The following CACNG4 variants were observed in gnomAD, a reference collection of about 807,000 sequenced individuals.
CACNG4 encodes calcium voltage-gated channel auxiliary subunit gamma 4, also known as voltage-dependent calcium channel gamma-4 subunit.
CACNG4 carries 8 observed loss-of-function variants against 22.9 expected under a neutral mutation model. The observed-to-expected ratio is 0.35, with a 90% confidence interval of 0.21 to 0.63. The LOEUF (loss-of-function observed/expected upper bound fraction) is 0.63, where lower values mean the gene tolerates loss of function less well. CACNG4 is among the 30% of genes least tolerant of loss of function. The probability of loss-of-function intolerance (pLI) is 0.72; values close to 1 mark genes in which losing one functional copy is unlikely to be tolerated. For missense variants in CACNG4, 357 were observed against 455.4 expected, an observed-to-expected ratio of 0.78 and a Z score of 1.97; for synonymous variants, 188 against 191.9, an observed-to-expected ratio of 0.98 and a Z score of 0.17.
chr17:67,032,996 G>A lies in CACNG4; in HGVS notation c.*1992G>A, dbSNP rs991531187. On this transcript the variant is annotated 3_prime_UTR_variant, in exon 4 of 4. Transcript: ENST00000262138. ...GCCCCAGAAGTTTCTATCATTCCAT[G>A]GAGAAAGCTGTGTTCCAATGAATCC... The A allele has an allele frequency of 6.5e-6, 1 of 152,994 alleles. No individual in the cohort carries two copies. Among genetic ancestry groups the A allele is most frequent in the Admixed American group, 6.5e-5 (1 of 15,288 alleles). The allele number at this position is 152,994 out of a possible 1,614,324, so 9.5% of individuals were successfully genotyped here. A position where few individuals can be genotyped will look rare whatever the true frequency, so the allele number is the denominator to read the frequency against.
chr17:66,981,731 C>T (rs2035274819), intron 1 of CACNG4, among the ~76,000 whole-genome samples: 1 of 152,144 alleles, frequency 6.6e-6, no homozygotes, highest in South Asian at 2.1e-4. Flanking sequence ...GTTTAGAGTC[C>T]AGAATTATGA....
chr17:67,008,713 C>T (rs1477041385), intron 1 of CACNG4, among the ~76,000 whole-genome samples: 2 of 152,060 alleles, frequency 1.3e-5, no homozygotes, highest in Admixed American at 6.6e-5. Context: ...CTTTTGAGGC[C>T]GAGGTGGGTG....
At chr17:66,979,711 C>T (rs1316900874) in intron 1 of CACNG4, among the ~76,000 whole-genome samples, 1 of 149,740 alleles carries the variant, frequency 6.7e-6, no homozygotes, top group Non-Finnish European at 1.5e-5. Context: ...GTGTGTATGC[C>T]GATTTGACAC....
intron 1 of CACNG4, among the ~76,000 whole-genome samples, chr17:67,004,056 C>T (rs776689994): frequency 1.3e-5 from 2 of 152,334 alleles, no homozygotes; most frequent in South Asian, 4.1e-4. Flanking sequence ...GGCAAACCAA[C>T]GGAAAAGCTG....
At chr17:67,015,506 G>GT in intron 1 of CACNG4, among the ~76,000 whole-genome samples, 1 of 152,296 alleles carries the variant, frequency 6.6e-6, no homozygotes, top group Admixed American at 6.5e-5. Context: ...TTTGCACGAT[G>GT]TTGTCATGGG....
intron 1 of CACNG4, among the ~76,000 whole-genome samples, chr17:66,967,103 C>A (rs946154080): frequency 2.6e-5 from 4 of 152,180 alleles, no homozygotes; most frequent in Non-Finnish European, 5.9e-5. Flanking sequence ...CTAACTCCTC[C>A]CCGCCAGCAA....
At chr17:66,976,522 C>T (rs887453562) in intron 1 of CACNG4, among the ~76,000 whole-genome samples, 1 of 150,740 alleles carries the variant, frequency 6.6e-6, no homozygotes, top group African/African-American at 2.4e-5. Flanking sequence ...CTCCCTCCAT[C>T]CTCCCTCCCT....
intron 2 of CACNG4, chr17:67,020,092 A>T (rs2035522791): frequency 6.6e-6 from 1 of 152,360 alleles, no homozygotes; most frequent in Non-Finnish European, 1.5e-5. Flanking sequence ...AGCCTGGAGG[A>T]GGGAGCAGTA....
rs560518409 is a variant in CACNG4 at position 66,997,245 on chromosome 17, AG to A, written c.221-20940del. 7.7e-3 allele frequency among the ~76,000 whole-genome samples: 1,168 copies of A among 152,242 alleles called. 7 individuals carry two copies. The highest frequency in any genetic ancestry group is 0.048 in the Middle Eastern group (14 of 294). ...GGGCAGGGCAGTGTGGATGGATAAG[AG>A]GGGTGGATTTGAGGCATCAAGGATG... On this transcript the variant is annotated intron_variant, in intron 1 of 3. Transcript: ENST00000262138.
chr17:66,980,433 AT>A (rs1007424412), intron 1 of CACNG4, among the ~76,000 whole-genome samples: 54 of 152,076 alleles, frequency 3.6e-4, no homozygotes, highest in Non-Finnish European at 3.2e-4. Flanking sequence ...ATGGCTCAAG[AT>A]TTCTTAATAT....
chr17:67,030,873 A>G lies in CACNG4; in HGVS notation c.853A>G (p.Lys285Glu). 1 of 1,612,932 alleles carries G rather than the reference A, an allele frequency of 6.2e-7. No homozygotes were observed. The highest frequency in any genetic ancestry group is 1.1e-5 in the South Asian group (1 of 91,078). Residue 285 changes from lysine to glutamate, a missense_variant, in exon 4 of 4, where the codon AAG (lysine) becomes GAG (glutamate). Physicochemically the swap from Lys to Glu is moderately conservative, Grantham distance 56 (BLOSUM62 1). This residue lies in a region of CACNG4 where 240 missense variants were observed against 277.6 expected (regional missense o/e 0.86). Coordinates refer to ENST00000262138, the MANE Select transcript of CACNG4 (RefSeq NM_014405.4). This position sits in a 1 kb window ranked among gnomAD's most constrained non-coding sequence, Gnocchi z 6.4. ...GTACACGCTGTCCAGGGAGCCCCTC[A>G]AGGTGACCACCGCAGCCAGCTACAG... is the stretch of plus-strand genomic sequence containing the variant. ...SMYTLSREPL[K>E]VTTAASYSPD...
chr17:66,987,796 C>A (rs2143301530), intron 1 of CACNG4, among the ~76,000 whole-genome samples: 1 of 152,112 alleles, frequency 6.6e-6, no homozygotes, highest in East Asian at 1.9e-4. Flanking sequence ...CCAAACCTAC[C>A]CAGAAGCCAA....
At position 67,027,684 on chromosome 17, in the gene CACNG4, G is replaced by A. The variant is rs2035576301; in HGVS notation, c.445+2684G>A. 6.6e-6 allele frequency among the ~76,000 whole-genome samples: 1 copy of A among 152,188 alleles called. No homozygotes were observed. The highest frequency in any genetic ancestry group is 1.5e-5 in the Non-Finnish European group (1 of 68,028). ...CAACTCGTGCTGAATACAGAGAGGGGAAGAAAACACAAAGCTAGGGAAGCA... is the reference window on the plus strand; with the variant it reads ...CAACTCGTGCTGAATACAGAGAGGGAAAGAAAACACAAAGCTAGGGAAGCA... On this transcript the variant is annotated intron_variant, in intron 3 of 3. Transcript: ENST00000262138. The surrounding 1 kb of genome is among the most constrained non-coding windows in gnomAD (Gnocchi z 4.3).
chr17:67,016,416 CA>C (rs1181436367), intron 1 of CACNG4, among the ~76,000 whole-genome samples: 1 of 152,132 alleles, frequency 6.6e-6, no homozygotes, highest in Non-Finnish European at 1.5e-5. Flanking sequence ...TCCTTGGAGG[CA>C]GCAGCTGAAG....
At chr17:66,989,005 G>A (rs1452346696) in intron 1 of CACNG4, among the ~76,000 whole-genome samples, 1 of 141,964 alleles carries the variant, frequency 7.0e-6, no homozygotes, top group Non-Finnish European at 1.5e-5. Flanking sequence ...AGGTTGCAGT[G>A]AGCCAAGATC....
chr17:67,011,325 G>A (rs981294319), intron 1 of CACNG4, among the ~76,000 whole-genome samples: 3 of 152,226 alleles, frequency 2.0e-5, no homozygotes, highest in African/African-American at 7.2e-5. Flanking sequence ...AGCAGCCCCC[G>A]CAGGGGTGTG....
chr17:66,994,108 T>C (rs2143313282), intron 1 of CACNG4, among the ~76,000 whole-genome samples: 1 of 152,058 alleles, frequency 6.6e-6, no homozygotes, highest in African/African-American at 2.4e-5. Flanking sequence ...AGGTGAGAGC[T>C]TTACTTGAAG....
At chr17:67,013,247 T>A (rs2143345605) in intron 1 of CACNG4, among the ~76,000 whole-genome samples, 1 of 152,220 alleles carries the variant, frequency 6.6e-6, no homozygotes, top group East Asian at 1.9e-4. Context: ...CCCCCAGGGT[T>A]CACACCTCGC....
At chr17:66,980,669 T>A (rs1233869095) in intron 1 of CACNG4, among the ~76,000 whole-genome samples, 3 of 145,430 alleles carry the variant, frequency 2.1e-5, no homozygotes, top group South Asian at 2.2e-4. Context: ...ATTGCCCAGG[T>A]TGGAGTGCAG....
Sources: gnomAD v4.1 joint callset for allele counts (sites outside exome capture counted in the v4.1 genomes callset) on GRCh38, gnomAD v4.1.1 for gene constraint, gnomAD v4.1.1 regional missense constraint, Gnocchi (gnomAD v3.1) non-coding constraint, MANE v1.5 for transcripts, NCBI Gene and HGNC (gene_info 2026-07-23, HGNC 2026-07-21) for gene names.